Variants in CAMKMT observed in about 807,000 individuals in gnomAD.
CAMKMT encodes the protein calmodulin-lysine N-methyltransferase, also known as CaM KMT.
Under a neutral mutation model 48.0 loss-of-function variants are expected in CAMKMT, and 53 were observed. The ratio of observed to expected loss-of-function variants is 1.10; its 90% CI spans 0.89 to 1.39. CAMKMT has a LOEUF of 1.39. Among genes scored for constraint, CAMKMT ranks in the 40% most tolerant of loss-of-function variants. The pLI is 0.00. For synonymous variants in CAMKMT, 165 were observed against 152.3 expected (o/e 1.08, Z -0.61); for missense variants, 428 against 402.7 (o/e 1.06, Z -0.54).
chr2:44,467,160 G>A (rs1308174503), intron 3 of CAMKMT, among the ~76,000 whole-genome samples: 1 of 151,468 alleles, frequency 6.6e-6, no homozygotes, highest in African/African-American at 2.4e-5. Context: ...AGGCTGAGGT[G>A]GGAGGATTGC....
At chr2:44,606,352 C>CT (rs1402840937) in intron 3 of CAMKMT, among the ~76,000 whole-genome samples, 1 of 152,112 alleles carries the variant, frequency 6.6e-6, no homozygotes, top group Non-Finnish European at 1.5e-5. Context: ...TGACAAATAT[C>CT]TTTTTCCATT....
intron 3 of CAMKMT, among the ~76,000 whole-genome samples, chr2:44,641,311 C>T (rs957882391): frequency 6.6e-6 from 1 of 152,002 alleles, no homozygotes; most frequent in Non-Finnish European, 1.5e-5. Flanking sequence ...TTTTTAAGCT[C>T]CTTTCAAAGA....
chr2:44,434,575 G>A (rs1032389944), intron 3 of CAMKMT, among the ~76,000 whole-genome samples: 3 of 152,164 alleles, frequency 2.0e-5, no homozygotes, highest in Admixed American at 6.5e-5. Flanking sequence ...ACTTGGCAAT[G>A]TCCTTAGCAA....
chr2:44,483,687 A>G (rs1445344967), intron 3 of CAMKMT, among the ~76,000 whole-genome samples: 1 of 152,198 alleles, frequency 6.6e-6, no homozygotes, highest in Admixed American at 6.5e-5. Flanking sequence ...TTCTCAATAT[A>G]AAACAAAAAT....
In CAMKMT at chr2:44,631,390, AG is replaced by A. The variant is rs879426481; in HGVS notation, c.377-72892del. ...TGTGCACATGTACCCTAAAACTTAA[AG>A]TATAATAATAATAATAGTAATAATA... On this transcript the variant is annotated intron_variant, in intron 3 of 10. Coordinates refer to ENST00000378494, the MANE Select transcript of CAMKMT (RefSeq NM_024766.5). The A allele has an allele frequency of 2.7e-5, 12 of 452,292 alleles. No individual in the cohort carries two copies. The Admixed American group carries it at 4.6e-4, about 17-fold the overall frequency. 28.0% of individuals were successfully genotyped at this position (452,292 alleles called of 1,614,324 possible). A position where few individuals can be genotyped will look rare whatever the true frequency, so the allele number is the denominator to read the frequency against.
In CAMKMT at chr2:44,704,273, T is replaced by TA; in HGVS notation, c.377-10_377-9insA. On this transcript the variant is annotated splice_polypyrimidine_tract_variant and intron_variant, in intron 3 of 10. Coordinates refer to ENST00000378494, the MANE Select transcript of CAMKMT (RefSeq NM_024766.5). Reference sequence around the variant, plus strand: ...TATAATCAAAAGGTTTATCCTCTTGTGTTTTCTAGGCATCTGGCCATCTGA... The same window carrying TA: ...TATAATCAAAAGGTTTATCCTCTTGTAGTTTTCTAGGCATCTGGCCATCTGA... 1 of 1,607,482 alleles carries TA rather than the reference T, an allele frequency of 6.2e-7. No homozygotes were observed. The highest frequency in any genetic ancestry group is 8.5e-7 in the Non-Finnish European group (1 of 1,176,920).
chr2:44,619,975 T>G (rs1672088263), intron 3 of CAMKMT, among the ~76,000 whole-genome samples: 1 of 152,210 alleles, frequency 6.6e-6, no homozygotes, highest in African/African-American at 2.4e-5. Flanking sequence ...ATGCCCAGTC[T>G]TGCCCGCTGA....
intron 3 of CAMKMT, among the ~76,000 whole-genome samples, chr2:44,598,024 C>A (rs561497110): frequency 6.6e-6 from 1 of 151,048 alleles, no homozygotes. Context: ...TGTGAGCCAC[C>A]GCACCCAGCC....
At chr2:44,418,322 T>TA (rs1386871836) in intron 3 of CAMKMT, among the ~76,000 whole-genome samples, 2 of 152,140 alleles carry the variant, frequency 1.3e-5, no homozygotes, top group African/African-American at 4.8e-5. Flanking sequence ...TTTTTTTTTT[T>TA]ATGTGTTCTT....
chr2:44,688,339 T>A (rs1676453266), intron 3 of CAMKMT, among the ~76,000 whole-genome samples: 1 of 152,154 alleles, frequency 6.6e-6, no homozygotes, highest in African/African-American at 2.4e-5. Flanking sequence ...CCCAAGTTAG[T>A]GCAGCAGCAG....
chr2:44,428,016 A>G (rs1684394320), intron 3 of CAMKMT, among the ~76,000 whole-genome samples: 1 of 152,096 alleles, frequency 6.6e-6, no homozygotes, highest in African/African-American at 2.4e-5. Context: ...CAACCTCTGG[A>G]GCCCCTAAGG....
At chr2:44,616,945 A>G (rs577889614) in intron 3 of CAMKMT, among the ~76,000 whole-genome samples, 2 of 152,336 alleles carry the variant, frequency 1.3e-5, no homozygotes, top group East Asian at 3.9e-4. Flanking sequence ...ATTAATTCAG[A>G]TCAGGAAAAA....
intron 3 of CAMKMT, among the ~76,000 whole-genome samples, chr2:44,459,956 T>C (rs1412664142): frequency 6.6e-6 from 1 of 152,224 alleles, no homozygotes; most frequent in East Asian, 1.9e-4. Flanking sequence ...GCAAGCCTGA[T>C]GGATCAGCTT....
chr2:44,523,687 G>C (rs764120839), intron 3 of CAMKMT, among the ~76,000 whole-genome samples: 1 of 151,474 alleles, frequency 6.6e-6, no homozygotes, highest in Non-Finnish European at 1.5e-5. Flanking sequence ...ATAGACTATA[G>C]AGTACCTGTA....
chr2:44,555,152 G>C (rs1667939587), intron 3 of CAMKMT, among the ~76,000 whole-genome samples: 1 of 152,128 alleles, frequency 6.6e-6, no homozygotes, highest in East Asian at 1.9e-4. Flanking sequence ...TGAAAACATG[G>C]CAATAATTTA....
intron 3 of CAMKMT, among the ~76,000 whole-genome samples, chr2:44,406,034 C>A (rs1030329138): frequency 6.6e-6 from 1 of 152,050 alleles, no homozygotes; most frequent in Admixed American, 6.5e-5. Context: ...TAACTTGGAA[C>A]CAAGGGTATC....
chr2:44,524,889 A>G (rs1333070487), intron 3 of CAMKMT, among the ~76,000 whole-genome samples: 1 of 152,136 alleles, frequency 6.6e-6, no homozygotes, highest in Non-Finnish European at 1.5e-5. Flanking sequence ...CTTCTATGCA[A>G]TAGATATTAT....
At chr2:44,668,695 T>C (rs1017768745) in intron 3 of CAMKMT, among the ~76,000 whole-genome samples, 24 of 152,222 alleles carry the variant, frequency 1.6e-4, no homozygotes, top group Admixed American at 1.6e-3. Flanking sequence ...ACTTTGTGCA[T>C]CCTTTCCCAA....
rs140615149 is a variant in CAMKMT, at chr2:44,694,302, G to A, written c.377-9981G>A. 2.8e-3 allele frequency among the ~76,000 whole-genome samples: 433 copies of A among 152,256 alleles called. 2 individuals carry two copies. Among genetic ancestry groups the A allele is most frequent in the African/African-American group, 9.6e-3 (400 of 41,550 alleles). On this transcript the variant is annotated intron_variant, in intron 3 of 10. Transcript: ENST00000378494. ...TTTAAAATAATTCTAGGCCAGGTGC[G>A]GTGGCTCATGCCTGTAATCCCAGCA...
Sources: allele counts gnomAD v4.1 joint callset (sites outside exome capture counted in the v4.1 genomes callset), GRCh38; gene constraint gnomAD v4.1.1; transcripts MANE v1.5; gene names NCBI Gene and HGNC (gene_info 2026-07-23, HGNC 2026-07-21).